Variants in XCL2 observed in about 807,000 individuals in gnomAD.
The protein encoded by XCL2 is cytokine SCM-1 beta.
In XCL2, 8 loss-of-function variants were observed where a neutral mutation model predicts 7.2. The observed-to-expected ratio is 1.10, with a 90% CI of 0.65 to 1.99. The LOEUF (loss-of-function observed/expected upper bound fraction) is 1.99. Ranked by LOEUF, XCL2 falls within the 30% of genes most tolerant of loss-of-function variation. The pLI is 0.00. For missense variants in XCL2, 131 were observed against 138.6 expected, an observed-to-expected ratio of 0.94 and a Z score of 0.28; for synonymous variants, 46 against 54.2, an observed-to-expected ratio of 0.85 and a Z score of 0.67.
At position 168,540,958 on chromosome 1, in the gene XCL2, A is replaced by C; in HGVS notation, c.339T>G (p.Thr113=). ...GACAGGGTGCCAGAGACTACTAGCC[A>C]GTCAGGGTCACAGCTGTATTGGTCG... ...QQSTNTAVTL[T]G Residue 113 remains threonine, a synonymous_variant, in exon 3 of 3, where the codon ACT becomes ACG. Coordinates refer to ENST00000367819, the MANE Select transcript of XCL2 (RefSeq NM_003175.4). 1.2e-6 allele frequency: 2 copies of C among 1,613,596 alleles called. No homozygotes were observed. Among genetic ancestry groups the C allele is most frequent in the Non-Finnish European group, 1.7e-6 (2 of 1,179,640 alleles).
In XCL2 at chr1:168,543,903, C is replaced by T. The variant is rs775432792; in HGVS notation, c.61+1G>A. The T allele has an allele frequency of 1.2e-6, 2 of 1,606,762 alleles. No individual in the cohort carries two copies. The highest frequency in any genetic ancestry group is 2.2e-5 in the East Asian group (1 of 44,814). ...ATCTCACAGACAGCTTCTCCACTTA[C>T]CTTCCACAATGTATGCAGTGAGAGA... On this transcript the variant is annotated splice_donor_variant, in intron 1 of 2. Transcript: ENST00000367819. LOFTEE classifies it high-confidence loss of function.
chr1:168,541,964 C>G, intron 2 of XCL2, 29 bp downstream of exon 2: 1 of 1,607,458 alleles, frequency 6.2e-7, no homozygotes, highest in Non-Finnish European at 8.5e-7. Flanking sequence ...GGTACCCACC[C>G]AGCCCAACTT....
intron 1 of XCL2, among the ~76,000 whole-genome samples, chr1:168,542,341 G>A (rs1179121740): frequency 6.6e-6 from 1 of 151,712 alleles, no homozygotes; most frequent in Non-Finnish European, 1.5e-5. Context: ...ATTTCATGCT[G>A]AGAGAAAATA....
rs1025004851 is a variant in XCL2 at position 168,540,974 on chromosome 1, G to A, written c.323C>T (p.Thr108Ile). Residue 108 changes from threonine (T) to isoleucine (I), a missense_variant, in exon 3 of 3, where the codon ACA (threonine) becomes ATA (isoleucine). Coordinates refer to ENST00000367819, the MANE Select transcript of XCL2 (RefSeq NM_003175.4). ...CTACTAGCCAGTCAGGGTCACAGCT[G>A]TATTGGTCGATTGCTGGGTTCCTGT... is the stretch of plus-strand genomic sequence containing the variant. ...KPTGTQQSTN[T>I]AVTLTG 6 of 1,613,572 alleles carry A rather than the reference G, an allele frequency of 3.7e-6. No individual in the cohort carries two copies. In the East Asian group the frequency reaches 8.9e-5, roughly 24 times the overall value.
intron 1 of XCL2, among the ~76,000 whole-genome samples, chr1:168,543,621 AG>A (rs1383599857): frequency 1.4e-5 from 2 of 140,168 alleles, no homozygotes; most frequent in East Asian, 3.7e-4. Context: ...TATTCTATTC[AG>A]TTTATACATA....
Position 168,542,125 on chromosome 1 carries a change from A to C in XCL2, c.62-18T>G. 1.4e-6 allele frequency: 2 copies of C among 1,471,112 alleles called. No homozygotes were observed. Among genetic ancestry groups the C allele is most frequent in the Non-Finnish European group, 1.8e-6 (2 of 1,091,184 alleles). The allele number at this position is 1,471,112 out of a possible 1,614,324, so 91.1% of individuals were successfully genotyped here. A position where few individuals can be genotyped will look rare whatever the true frequency, so the allele number is the denominator to read the frequency against. On this transcript the variant is annotated intron_variant, in intron 1 of 2. Coordinates refer to ENST00000367819, the MANE Select transcript of XCL2 (RefSeq NM_003175.4). Reference sequence around the variant, plus strand: ...CCCTACACCTGATGAGGAAAAAAAAACAACAGACAATTAAAAATAAAGCAA... The same window carrying C: ...CCCTACACCTGATGAGGAAAAAAAACCAACAGACAATTAAAAATAAAGCAA...
intron 1 of XCL2, chr1:168,542,980 C>A (rs373620442): frequency 1.4e-4 from 44 of 325,318 alleles, no homozygotes; most frequent in Non-Finnish European, 2.2e-4. Flanking sequence ...CTGCCATTAA[C>A]CAGTTCACCC....
At position 168,541,128 on chromosome 1, in the gene XCL2, G is replaced by A. The variant is rs112674394; in HGVS notation, c.177-8C>T. Reference sequence around the variant, plus strand: ...CCACGTTTGGTAATAAAACTGTAACGCAAGGAAAAGACAGATGAAGTTAGC... The same window carrying A: ...CCACGTTTGGTAATAAAACTGTAACACAAGGAAAAGACAGATGAAGTTAGC... On this transcript the variant is annotated splice_region_variant and splice_polypyrimidine_tract_variant and intron_variant, in intron 2 of 2. Transcript: ENST00000367819. The A allele has an allele frequency of 2.3e-3, 3,639 of 1,612,804 alleles. 27 individuals are homozygous for A. The Middle Eastern group carries it at 0.035, about 15-fold the overall frequency.
chr1:168,543,585 T>C (rs1654337943), intron 1 of XCL2, among the ~76,000 whole-genome samples: 1 of 144,266 alleles, frequency 6.9e-6, no homozygotes, highest in African/African-American at 2.5e-5. Flanking sequence ...ATTTATTTAA[T>C]CTTAATCTCA....
intron 1 of XCL2, chr1:168,543,253 C>G (rs1654330255): frequency 4.8e-6 from 1 of 208,172 alleles, no homozygotes; most frequent in Non-Finnish European, 9.6e-6. Flanking sequence ...TTCTGCCTGT[C>G]CTGCGTCCTA....
At chr1:168,541,702 A>G (rs1654287537) in intron 2 of XCL2, among the ~76,000 whole-genome samples, 1 of 152,144 alleles carries the variant, frequency 6.6e-6, no homozygotes, top group South Asian at 2.1e-4. Context: ...TGAGCCAGCC[A>G]TCTCTAAACC....
Position 168,540,858 on chromosome 1 carries a change from A to G in XCL2, c.*94T>C. ...TACAAAGGAATAATTTTATTCATGC[A>G]GTGCTTTCATAAAAGGTGAGTATAA... On this transcript the variant is annotated 3_prime_UTR_variant, in exon 3 of 3. Transcript: ENST00000367819. 2 of 1,409,084 alleles carry G rather than the reference A, an allele frequency of 1.4e-6. No homozygotes were observed. The highest frequency in any genetic ancestry group is 1.9e-6 in the Non-Finnish European group (2 of 1,053,606). 87.3% of individuals were successfully genotyped at this position (1,409,084 alleles called of 1,614,324 possible). A position where few individuals can be genotyped will look rare whatever the true frequency, so the allele number is the denominator to read the frequency against.
chr1:168,542,473 A>T (rs574270101), intron 1 of XCL2, among the ~76,000 whole-genome samples: 1 of 152,154 alleles, frequency 6.6e-6, no homozygotes, highest in Non-Finnish European at 1.5e-5. Context: ...CACATGTTTT[A>T]TTAAGACAGA....
Position 168,540,898 on chromosome 1 carries a change from G to C in XCL2, c.*54C>G, listed in dbSNP as rs369090703. On this transcript the variant is annotated 3_prime_UTR_variant, in exon 3 of 3. Transcript: ENST00000367819. ...GGTGAGTATAATCTCAGTCCATGAG[G>C]GTGTAAAGTGAAATGAGCTGGCTGG... The C allele has an allele frequency of 4.2e-4, 678 of 1,598,430 alleles. 3 individuals carry two copies. The highest frequency in any genetic ancestry group is 3.2e-3 in the South Asian group (282 of 88,964).
chr1:168,541,076 G>T lies in XCL2; in HGVS notation c.221C>A (p.Ala74Asp), dbSNP rs117952025. 1.1e-5 allele frequency: 17 copies of T among 1,613,692 alleles called. No individual in the cohort carries two copies. The East Asian group carries it at 2.2e-4, about 21-fold the overall frequency. Reference protein sequence around the residue: ...RGLKVCADPQATWVRDVVRSM... With the variant: ...RGLKVCADPQDTWVRDVVRSM... ...CCTGACCACGTCTCTCACCCACGTG[G>T]CTTGTGGATCAGCACAGACTTTTAG... Residue 74 changes from alanine (A) to aspartate (D), a missense_variant, in exon 3 of 3, where the codon GCC (alanine) becomes GAC (aspartate). Physicochemically the swap from Ala to Asp is moderately radical, Grantham distance 126. Transcript: ENST00000367819.
At chr1:168,542,162 A>C in intron 1 of XCL2, 55 bp from the exon 2 acceptor site, 1 of 1,396,994 alleles carries the variant, frequency 7.2e-7, no homozygotes, top group Non-Finnish European at 9.6e-7. Context: ...TACCCAGATC[A>C]CAGGAACAAT....
In XCL2 at chr1:168,540,875, T is replaced by C. The variant is rs918330715; in HGVS notation, c.*77A>G. On this transcript the variant is annotated 3_prime_UTR_variant, in exon 3 of 3. Coordinates refer to ENST00000367819, the MANE Select transcript of XCL2 (RefSeq NM_003175.4). ...ATTCATGCAGTGCTTTCATAAAAGG[T>C]GAGTATAATCTCAGTCCATGAGGGT... 77 of 1,492,830 alleles carry C rather than the reference T, an allele frequency of 5.2e-5. No individual in the cohort carries two copies. The highest frequency in any genetic ancestry group is 6.2e-5 in the Non-Finnish European group (69 of 1,115,712). The allele number at this position is 1,492,830 out of a possible 1,614,324, so 92.5% of individuals were successfully genotyped here. A position where few individuals can be genotyped will look rare whatever the true frequency, so the allele number is the denominator to read the frequency against.
At chr1:168,541,315 T>G (rs766210108) in intron 2 of XCL2, among the ~76,000 whole-genome samples, 195 bp from the exon 3 acceptor site, 1 of 152,130 alleles carries the variant, frequency 6.6e-6, no homozygotes, top group African/African-American at 2.4e-5. Flanking sequence ...TATCTGCAAG[T>G]AGTATCCAGC....
chr1:168,542,178 G>C lies in XCL2; in HGVS notation c.62-71C>G. On this transcript the variant is annotated intron_variant, in intron 1 of 2. Transcript: ENST00000367819. Reference sequence around the variant, plus strand: ...ACCCAGATCACAGGAACAATCGTCTGTTAAATTACTCTGAGAATGTTGTGA... The same window carrying C: ...ACCCAGATCACAGGAACAATCGTCTCTTAAATTACTCTGAGAATGTTGTGA... 26 of 1,302,366 alleles carry C rather than the reference G, an allele frequency of 2.0e-5. 1 individual carries two copies. In the South Asian group the frequency reaches 4.7e-4, roughly 24 times the overall value. The allele number at this position is 1,302,366 out of a possible 1,614,324, so 80.7% of individuals were successfully genotyped here.
Sources: gnomAD v4.1 joint callset for allele counts (sites outside exome capture counted in the v4.1 genomes callset) on GRCh38, gnomAD v4.1.1 for gene constraint, MANE v1.5 for transcripts, NCBI Gene and HGNC (gene_info 2026-07-23, HGNC 2026-07-21) for gene names.